ULK4: variants seen among roughly 807,000 people sequenced by gnomAD.
ULK4 encodes the protein unc-51 like kinase 4, also known as inactive serine/threonine-protein kinase ULK4.
Under a neutral mutation model 160.6 loss-of-function variants are expected in ULK4, and 133 were observed. The ratio of observed to expected loss-of-function variants is 0.83; its 90% confidence interval spans 0.72 to 0.96. ULK4 has a LOEUF of 0.96. Ranked by LOEUF, ULK4 falls within the 40% of genes least tolerant of loss-of-function variation. ULK4 has a pLI of 0.00. For missense variants in ULK4, 1,580 were observed against 1,499.5 expected, an observed-to-expected ratio of 1.05 and a Z score of -0.89; for synonymous variants, 534 against 539.8, an observed-to-expected ratio of 0.99 and a Z score of 0.15.
At chr3:41,692,256 A>G (rs766968823) in intron 27 of ULK4, among the ~76,000 whole-genome samples, 6 of 148,370 alleles carry the variant, frequency 4.0e-5, no homozygotes, top group Non-Finnish European at 9.1e-5. Flanking sequence ...GGCCCATTAA[A>G]TCACTTCTAA....
At chr3:41,744,893 A>C (rs1413486749) in intron 22 of ULK4, among the ~76,000 whole-genome samples, 1 of 151,778 alleles carries the variant, frequency 6.6e-6, no homozygotes, top group African/African-American at 2.4e-5. Context: ...CAAACTATAT[A>C]TCAATAACAT....
Position 41,498,584 on chromosome 3 carries a change from TTTTTTTGC to T in ULK4, c.3227-35339_3227-35332del, listed in dbSNP as rs1233712125. Among the ~76,000 whole-genome samples the T allele has an allele frequency of 6.6e-5, 10 of 151,702 alleles. No individual in the cohort carries two copies. In the Middle Eastern group the frequency reaches 0.01, roughly 155 times the overall value. ...AGCTTCTTCTTTTTTTTCTTTTTTT[TTTTTTTGC>T]TTTGTTTTTTGTTTTGTTTTTGAGA... On this transcript the variant is annotated intron_variant, in intron 32 of 36. Transcript: ENST00000301831.
intron 16 of ULK4, 80 bp from the exon 17 acceptor site, chr3:41,884,032 A>G: frequency 2.1e-6 from 2 of 970,278 alleles, no homozygotes; most frequent in Non-Finnish European, 3.3e-6. Flanking sequence ...ACATTATGCA[A>G]TGATGAGCAT....
At chr3:41,527,012 G>T (rs2086142459) in intron 32 of ULK4, among the ~76,000 whole-genome samples, 1 of 152,158 alleles carries the variant, frequency 6.6e-6, no homozygotes, top group African/African-American at 2.4e-5. Context: ...GAAAATAATA[G>T]CTATTATTTG....
chr3:41,420,471 CTTTCTTTTTTTTTT>C (rs968025388), intron 34 of ULK4, among the ~76,000 whole-genome samples: 9 of 63,248 alleles, frequency 1.4e-4, no homozygotes, highest in African/African-American at 5.2e-4. Context: ...TTTTCCAGTT[CTTTCTTTTTTTTTT>C]TTTTTTTTTT....
chr3:41,882,363 T>C, intron 17 of ULK4: 1 of 689,594 alleles, frequency 1.5e-6, no homozygotes, highest in South Asian at 1.5e-5. Context: ...CAATGGGGTT[T>C]GGAAATTACA....
At chr3:41,829,675 G>T (rs1177396401) in intron 18 of ULK4, among the ~76,000 whole-genome samples, 1 of 152,212 alleles carries the variant, frequency 6.6e-6, no homozygotes, top group East Asian at 1.9e-4. Flanking sequence ...TGGAGAAATA[G>T]GAACACTTTT....
chr3:41,928,647 A>G (rs1192385005), intron 5 of ULK4, among the ~76,000 whole-genome samples: 1 of 152,092 alleles, frequency 6.6e-6, no homozygotes, highest in Non-Finnish European at 1.5e-5. Flanking sequence ...AAAAAATGAT[A>G]AAGGAGATAT....
intron 30 of ULK4, among the ~76,000 whole-genome samples, chr3:41,632,514 A>G (rs2033791861): frequency 6.6e-6 from 1 of 152,190 alleles, no homozygotes; most frequent in Non-Finnish European, 1.5e-5. Context: ...GGGCCAAATG[A>G]GAGCTGCAGC....
chr3:41,372,381 A>C lies in ULK4; in HGVS notation c.3678+25698T>G, dbSNP rs372680546. 8.5e-5 allele frequency among the ~76,000 whole-genome samples: 13 copies of C among 152,308 alleles called. No individual in the cohort carries two copies. The East Asian group carries it at 1.9e-3, about 23-fold the overall frequency. On this transcript the variant is annotated intron_variant, in intron 35 of 36. Coordinates refer to ENST00000301831, the MANE Select transcript of ULK4 (RefSeq NM_017886.4). ...GGTTAAAATAAAGGAAAAAATGTTAAGGGGAGCCAGAGAGAAAGGTCGGGT... is the reference window on the plus strand; with the variant it reads ...GGTTAAAATAAAGGAAAAAATGTTACGGGGAGCCAGAGAGAAAGGTCGGGT...
chr3:41,441,043 A>C (rs2083155557), intron 34 of ULK4, among the ~76,000 whole-genome samples: 2 of 152,142 alleles, frequency 1.3e-5, no homozygotes, highest in South Asian at 4.1e-4. Context: ...TTCCCTGATT[A>C]GTATGGCAAT....
At chr3:41,457,474 C>G (rs2083581928) in intron 33 of ULK4, among the ~76,000 whole-genome samples, 1 of 152,194 alleles carries the variant, frequency 6.6e-6, no homozygotes, top group Non-Finnish European at 1.5e-5. Context: ...CTTTGCACAA[C>G]AGAGAGGTGG....
intron 35 of ULK4, among the ~76,000 whole-genome samples, chr3:41,347,539 C>G (rs1277493186): frequency 1.3e-5 from 2 of 151,772 alleles, no homozygotes; most frequent in Non-Finnish European, 2.9e-5. Flanking sequence ...CTATCTAACA[C>G]TTCCTTTCCT....
chr3:41,689,686 A>G (rs1004799381), intron 27 of ULK4, among the ~76,000 whole-genome samples: 1 of 152,280 alleles, frequency 6.6e-6, no homozygotes, highest in African/African-American at 2.4e-5. Context: ...ACACACATGA[A>G]AAAATGCTCA....
chr3:41,691,747 T>C (rs1007300021), intron 27 of ULK4, among the ~76,000 whole-genome samples: 3 of 151,856 alleles, frequency 2.0e-5, no homozygotes, highest in Middle Eastern at 3.2e-3. Context: ...ACTACACTTA[T>C]TGATTAATCA....
rs57224854 is a variant in ULK4 at position 41,412,553 on chromosome 3, A to ATTTTTTTT, written c.3493-14297_3493-14290dup. ...TAAAGGTCAATGGCAATGCAGTTGA[A>ATTTTTTTT]TTTTTTTTTTTTTTTTTTTTTTTTT... On this transcript the variant is annotated intron_variant, in intron 34 of 36. Transcript: ENST00000301831. 4.9e-4 allele frequency among the ~76,000 whole-genome samples: 49 copies of ATTTTTTTT among 100,428 alleles called. 2 individuals are homozygous for ATTTTTTTT. Among genetic ancestry groups the ATTTTTTTT allele is most frequent in the African/African-American group, 1.7e-3 (40 of 24,084 alleles). 65.9% of individuals were successfully genotyped at this position (100,428 alleles called of 152,430 possible). A position where few individuals can be genotyped will look rare whatever the true frequency, so the allele number is the denominator to read the frequency against.
intron 21 of ULK4, among the ~76,000 whole-genome samples, chr3:41,761,542 A>C (rs1295726561): frequency 1.3e-5 from 2 of 151,776 alleles, no homozygotes; most frequent in East Asian, 3.9e-4. Context: ...AAAATATTTT[A>C]TCACACTACT....
chr3:41,299,767 A>G (rs2079744695), intron 35 of ULK4, among the ~76,000 whole-genome samples: 1 of 152,148 alleles, frequency 6.6e-6, no homozygotes, highest in African/African-American at 2.4e-5. Context: ...ATTTTTCCAC[A>G]TTGCCAATCT....
intron 15 of ULK4, among the ~76,000 whole-genome samples, 153 bp downstream of exon 15, chr3:41,896,669 C>T (rs1299478832): frequency 2.0e-5 from 3 of 152,256 alleles, no homozygotes; most frequent in African/African-American, 7.2e-5. Flanking sequence ...TACTTTAGGA[C>T]CTAAGGATTA....
Sources: allele counts gnomAD v4.1 joint callset (sites outside exome capture counted in the v4.1 genomes callset), GRCh38; gene constraint gnomAD v4.1.1; transcripts MANE v1.5; gene names NCBI Gene and HGNC (gene_info 2026-07-23, HGNC 2026-07-21).